Variants in ERC2 observed in about 807,000 individuals in gnomAD.
The protein encoded by ERC2 is ERC protein 2.
Under a neutral mutation model 114.8 loss-of-function variants are expected in ERC2, and 42 were observed. The ratio of observed to expected loss-of-function variants is 0.37; its 90% confidence interval spans 0.29 to 0.47. The LOEUF is 0.47. Ranked by LOEUF, ERC2 falls within the 20% of genes least tolerant of loss-of-function variation. The probability of loss-of-function intolerance (pLI) is 0.99; values close to 1 mark genes in which losing one functional copy is unlikely to be tolerated. For synonymous variants in ERC2, 454 were observed against 425.5 expected (o/e 1.07, Z -0.82); for missense variants, 939 against 1,150.7 (o/e 0.82, Z 2.66).
chr3:56,231,843 G>A (rs1336863680), intron 3 of ERC2, among the ~76,000 whole-genome samples: 1 of 150,432 alleles, frequency 6.6e-6, no homozygotes, highest in Non-Finnish European at 1.5e-5. Context: ...TTCTCTCATA[G>A]ATCCCCTAGA....
intron 14 of ERC2, among the ~76,000 whole-genome samples, chr3:55,794,942 C>T (rs1222992186): frequency 1.3e-5 from 2 of 152,102 alleles, no homozygotes; most frequent in African/African-American, 2.4e-5. Flanking sequence ...TTTCACTTTG[C>T]TTCAATGTTT....
chr3:56,137,966 T>C (rs908200453), intron 6 of ERC2, among the ~76,000 whole-genome samples: 7 of 151,916 alleles, frequency 4.6e-5, no homozygotes, highest in Admixed American at 1.3e-4. Context: ...CAATTTATAG[T>C]ATAGATTAAA....
In ERC2 at chr3:55,580,354, C is replaced by T. The variant is rs116504965; in HGVS notation, c.*40-69078G>A. 9.8e-3 allele frequency among the ~76,000 whole-genome samples: 1,485 copies of T among 151,834 alleles called. 20 individuals are homozygous for T. The highest frequency in any genetic ancestry group is 0.034 in the African/African-American group (1,417 of 41,360). ...TTGCGAAAATCTTGAGGGCAAGAAA[C>T]CTATTTCAGCCACAAAAATACAAAT... On this transcript the variant is annotated intron_variant, in intron 17 of 17. Coordinates refer to ENST00000288221, the MANE Select transcript of ERC2 (RefSeq NM_015576.3).
chr3:55,988,431 C>T (rs74669601), intron 11 of ERC2, among the ~76,000 whole-genome samples: 301 of 152,322 alleles, frequency 2.0e-3, no homozygotes, highest in Middle Eastern at 3.4e-3. Context: ...AAAGCAAAAT[C>T]TTTAATGGCT....
intron 3 of ERC2, among the ~76,000 whole-genome samples, chr3:56,233,094 G>T (rs1341196583): frequency 1.3e-5 from 2 of 152,202 alleles, no homozygotes; most frequent in Admixed American, 1.3e-4. Context: ...CTCTCTGAGG[G>T]TATGGACTTT....
At chr3:55,753,791 ATAAACT>A (rs959357107) in intron 14 of ERC2, among the ~76,000 whole-genome samples, 1 of 152,202 alleles carries the variant, frequency 6.6e-6, no homozygotes, top group African/African-American at 2.4e-5. Context: ...CTGCTTCTAA[ATAAACT>A]TAAACAATGA....
intron 12 of ERC2, among the ~76,000 whole-genome samples, chr3:55,984,111 T>C (rs2070383629): frequency 1.3e-5 from 2 of 152,128 alleles, no homozygotes; most frequent in Admixed American, 1.3e-4. Context: ...TTAAATGATA[T>C]TGGAATGATA....
chr3:55,822,547 G>T (rs1420940831), intron 14 of ERC2, among the ~76,000 whole-genome samples: 2 of 148,220 alleles, frequency 1.3e-5, no homozygotes, highest in Admixed American at 6.7e-5. Context: ...TGACTTACAA[G>T]AATTTTTTTT....
At chr3:55,830,787 A>G (rs1277749439) in intron 14 of ERC2, among the ~76,000 whole-genome samples, 1 of 152,006 alleles carries the variant, frequency 6.6e-6, no homozygotes, top group African/African-American at 2.4e-5. Context: ...CTAAAAAATT[A>G]TAAAAAACTA....
At chr3:56,417,715 C>T (rs2061221925) in intron 2 of ERC2, among the ~76,000 whole-genome samples, 1 of 152,212 alleles carries the variant, frequency 6.6e-6, no homozygotes. Flanking sequence ...AAAGCTGGTG[C>T]TCTCGACCAC....
At chr3:55,752,036 A>G (rs897251756) in intron 14 of ERC2, among the ~76,000 whole-genome samples, 3 of 152,126 alleles carry the variant, frequency 2.0e-5, no homozygotes, top group African/African-American at 7.2e-5. Context: ...GAAATCCTAA[A>G]CCTTTCTTCA....
chr3:55,888,599 A>G (rs1266798317), intron 13 of ERC2, 50 bp from the exon 14 acceptor site: 1 of 1,601,864 alleles, frequency 6.2e-7, no homozygotes, highest in East Asian at 2.2e-5. Context: ...ATTCAAGCAC[A>G]AGACATCCCT....
chr3:55,808,775 T>C (rs73834024), intron 14 of ERC2, among the ~76,000 whole-genome samples: 1 of 140,956 alleles, frequency 7.1e-6, no homozygotes, highest in Non-Finnish European at 1.5e-5. Flanking sequence ...TATATATATA[T>C]AATTGTGAGA....
At chr3:55,995,985 G>A (rs1395282539) in intron 10 of ERC2, among the ~76,000 whole-genome samples, 7 of 152,100 alleles carry the variant, frequency 4.6e-5, no homozygotes, top group Non-Finnish European at 1.0e-4. Flanking sequence ...TCTTTAATCT[G>A]ACTAGCAGCT....
At chr3:56,119,964 A>G (rs933545578) in intron 6 of ERC2, among the ~76,000 whole-genome samples, 23 of 152,338 alleles carry the variant, frequency 1.5e-4, no homozygotes, top group African/African-American at 5.1e-4. Context: ...CCATCTTAGC[A>G]AAAAGGTAGA....
Position 55,888,442 on chromosome 3 carries a change from C to G in ERC2, c.2511G>C (p.Leu837Phe), listed in dbSNP as rs776945139. ...QQSLAEKEAH[L>F]ANLRIERRKQ... ...TCCTCCTCTCAATCCGGAGGTTGGC[C>G]AAGTGCGCTTCTTTTTCGGCCAGGG... is the stretch of plus-strand genomic sequence containing the variant. The change falls in exon 14 of 18, where the codon TTG becomes TTC. Residue 837 changes from leucine to phenylalanine, a missense_variant. Leu to Phe is a conservative substitution (Grantham distance 22). Around this residue, in one of 5 missense-constraint regions of ERC2, gnomAD observed 328 missense variants for 353.9 expected, o/e 0.93. Transcript: ENST00000288221. The G allele has an allele frequency of 6.2e-7, 1 of 1,613,840 alleles. No individual in the cohort carries two copies. The highest frequency in any genetic ancestry group is 1.7e-5 in the Admixed American group (1 of 60,004).
chr3:55,639,845 C>A (rs1190001589), intron 17 of ERC2, among the ~76,000 whole-genome samples: 1 of 152,086 alleles, frequency 6.6e-6, no homozygotes. Context: ...TAACTTAAAC[C>A]CCTGTGTTGC....
chr3:55,560,806 A>T lies in ERC2; in HGVS notation c.*40-49530T>A, dbSNP rs540942760. ...GAAGAATGAGAAAAATCTGTCATTT[A>T]GCCAAAAATCTTACCAACCTAGGTT... is the stretch of plus-strand genomic sequence containing the variant. On this transcript the variant is annotated intron_variant, in intron 17 of 17. Coordinates refer to ENST00000288221, the MANE Select transcript of ERC2 (RefSeq NM_015576.3). Among the ~76,000 whole-genome samples, 136 of 152,364 alleles carry T rather than the reference A, an allele frequency of 8.9e-4. 2 individuals are homozygous for T. In the South Asian group the frequency reaches 0.016, roughly 17 times the overall value.
At chr3:56,463,895 G>A (rs1219115118) in intron 1 of ERC2, among the ~76,000 whole-genome samples, 1 of 152,192 alleles carries the variant, frequency 6.6e-6, no homozygotes, top group Non-Finnish European at 1.5e-5. Flanking sequence ...GAATAAAACT[G>A]TGTTCACCAC....
Sources: allele counts gnomAD v4.1 joint callset (sites outside exome capture counted in the v4.1 genomes callset), GRCh38; gene constraint gnomAD v4.1.1; regional missense constraint gnomAD v4.1.1; transcripts MANE v1.5; gene names NCBI Gene and HGNC (gene_info 2026-07-23, HGNC 2026-07-21).